Variants in SHISA7 observed in about 807,000 individuals in gnomAD.
SHISA7 encodes protein shisa-7.
In SHISA7, 6 loss-of-function variants were observed where a neutral mutation model predicts 23.9. The ratio of observed to expected loss-of-function variants is 0.25; its 90% CI spans 0.14 to 0.50. The LOEUF (loss-of-function observed/expected upper bound fraction) is 0.50. Among genes scored for constraint, SHISA7 ranks in the 20% least tolerant of loss-of-function variants. The pLI, the probability that SHISA7 is intolerant of heterozygous loss-of-function variation, is 0.98. For synonymous variants in SHISA7, 386 were observed against 398.3 expected, an observed-to-expected ratio of 0.97 and a Z score of 0.37; for missense variants, 671 against 801.1, an observed-to-expected ratio of 0.84 and a Z score of 1.96.
chr19:55,434,384 GGT>G (rs1205929289), intron 3 of SHISA7, among the ~76,000 whole-genome samples: 6 of 127,302 alleles, frequency 4.7e-5, no homozygotes, highest in East Asian at 2.5e-4. Context: ...TGTGTATGTG[GGT>G]GTGTGGTTTG....
At chr19:55,434,990 TG>T (rs1985387115) in intron 3 of SHISA7, among the ~76,000 whole-genome samples, 2 of 86,558 alleles carry the variant, frequency 2.3e-5, no homozygotes, top group Non-Finnish European at 2.3e-5. Context: ...ATGGTGTGTA[TG>T]GTGTGTGTGT....
Position 55,443,253 on chromosome 19 carries a change from A to G in SHISA7, c.-390T>C, listed in dbSNP as rs1011068219. On this transcript the variant is annotated 5_prime_UTR_variant, in exon 1 of 4. Coordinates refer to ENST00000376325, the MANE Select transcript of SHISA7 (RefSeq NM_001145176.2). ...ACCAGAGGGGTGTGCAGACATTAGG[A>G]CGAGGAGCGAGGCGAGGCGCGATGT... is the stretch of plus-strand genomic sequence containing the variant. Among the ~76,000 whole-genome samples, 1 of 149,684 alleles carries G rather than the reference A, an allele frequency of 6.7e-6. No homozygotes were observed.
At position 55,433,661 on chromosome 19, in the gene SHISA7, T is replaced by G; in HGVS notation, c.1112A>C (p.Glu371Ala). 6.7e-7 allele frequency: 1 copy of G among 1,486,362 alleles called. No homozygotes were observed. Among genetic ancestry groups the G allele is most frequent in the Non-Finnish European group, 8.9e-7 (1 of 1,125,778 alleles). 92.1% of individuals were successfully genotyped at this position (1,486,362 alleles called of 1,614,324 possible). ...GTTGGGCGCGGGCGCCAGGCCCAGC[T>G]CCTCTGGGCCGCCCCAGGCCTCCAT... ...YRMEAWGGPE[E>A]LGLAPAPNPR... Residue 371 changes from glutamate (E) to alanine (A), a missense_variant, in exon 4 of 4, where the codon GAG becomes GCG. Transcript: ENST00000376325. This position sits in a 1 kb window ranked among gnomAD's most constrained non-coding sequence, Gnocchi z 8.4.
In SHISA7 at chr19:55,435,398, T is replaced by TATATGTGGTGTGTGTGTGGGG. The variant is rs1555753673; in HGVS notation, c.977-1603_977-1602insCCCCACACACACACCACATAT. 1.9e-3 allele frequency among the ~76,000 whole-genome samples: 153 copies of TATATGTGGTGTGTGTGTGGGG among 80,022 alleles called. 1 individual carries two copies. Among genetic ancestry groups the TATATGTGGTGTGTGTGTGGGG allele is most frequent in the African/African-American group, 5.8e-3 (144 of 24,872 alleles). The allele number at this position is 80,022 out of a possible 152,430, so 52.5% of individuals were successfully genotyped here. A position where few individuals can be genotyped will look rare whatever the true frequency, so the allele number is the denominator to read the frequency against. The stretch of plus-strand genomic sequence containing the variant: ...GTGGTGTATATGTGGTGTGTGTGTG[T>TATATGTGGTGTGTGTGTGGGG]GGGTGTGTGTTGTGTGTGTGTGTGT... On this transcript the variant is annotated intron_variant, in intron 3 of 3. Coordinates refer to ENST00000376325, the MANE Select transcript of SHISA7 (RefSeq NM_001145176.2).
chr19:55,438,724 G>A (rs1181653420), intron 2 of SHISA7: 3 of 983,626 alleles, frequency 3.0e-6, no homozygotes, highest in Non-Finnish European at 4.3e-6. Flanking sequence ...CCCCAAGGTC[G>A]GCCCCACATG....
rs1257194680 is a variant in SHISA7, at chr19:55,443,266, C to G, written c.-403G>C. Among the ~76,000 whole-genome samples the G allele has an allele frequency of 6.9e-6, 1 of 144,336 alleles. No individual in the cohort carries two copies. The highest frequency in any genetic ancestry group is 1.5e-5 in the Non-Finnish European group (1 of 66,774). The allele number at this position is 144,336 out of a possible 152,430, so 94.7% of individuals were successfully genotyped here. On this transcript the variant is annotated 5_prime_UTR_variant, in exon 1 of 4. Coordinates refer to ENST00000376325, the MANE Select transcript of SHISA7 (RefSeq NM_001145176.2). ...GCAGACATTAGGACGAGGAGCGAGG[C>G]GAGGCGCGATGTAAGGAGAAGAAAC...
Position 55,433,191 on chromosome 19 carries a change from G to A in SHISA7, c.1582C>T (p.Leu528=), listed in dbSNP as rs1280184239. 1.3e-6 allele frequency: 2 copies of A among 1,529,486 alleles called. No individual in the cohort carries two copies. Among genetic ancestry groups the A allele is most frequent in the South Asian group, 1.2e-5 (1 of 83,830 alleles). The allele number at this position is 1,529,486 out of a possible 1,614,324, so 94.7% of individuals were successfully genotyped here. The change falls in exon 4 of 4, where the codon CTG becomes TTG. Residue 528 remains leucine, a synonymous_variant. Transcript: ENST00000376325. The surrounding 1 kb of genome is among the most constrained non-coding windows in gnomAD (Gnocchi z 8.4). The stretch of plus-strand genomic sequence containing the variant: ...ACCTCGTTCTTGCTGGCCGTGCGCA[G>A]GTGCTGGGGCAGGTGGTGGCCCGGG... The part of the protein sequence containing the change: ...FIPGHHLPQH[L]RTASKNEVTV
chr19:55,442,080 G>A, intron 1 of SHISA7, 113 bp downstream of exon 1: 1 of 1,112,374 alleles, frequency 9.0e-7, no homozygotes, highest in Non-Finnish European at 1.2e-6. Context: ...GCCGCCACCT[G>A]GGTCTCTGAC....
Position 55,433,340 on chromosome 19 carries a change from T to C in SHISA7, c.1433A>G (p.His478Arg), listed in dbSNP as rs1985258810. The C allele has an allele frequency of 1.1e-5, 15 of 1,414,832 alleles. No individual in the cohort carries two copies. The highest frequency in any genetic ancestry group is 1.5e-5 in the African/African-American group (1 of 66,090). The allele number at this position is 1,414,832 out of a possible 1,614,324, so 87.6% of individuals were successfully genotyped here. A position where few individuals can be genotyped will look rare whatever the true frequency, so the allele number is the denominator to read the frequency against. The change falls in exon 4 of 4, where the codon CAC becomes CGC. Residue 478 changes from histidine (H) to arginine (R), a missense_variant. Physicochemically the swap from His to Arg is conservative, Grantham distance 29 (BLOSUM62 0). Coordinates refer to ENST00000376325, the MANE Select transcript of SHISA7 (RefSeq NM_001145176.2). This position sits in a 1 kb window ranked among gnomAD's most constrained non-coding sequence, Gnocchi z 8.4. ...CGGCGAGCCGTGCAGGGCGTGGTGGTGGTGGGCGTGCAGGCTGGACGGTGG... is the reference window on the plus strand; with the variant it reads ...CGGCGAGCCGTGCAGGGCGTGGTGGCGGTGGGCGTGCAGGCTGGACGGTGG... Reference protein sequence around the residue: ...LPPPSSLHAHHHHALHGSPQP... With the variant: ...LPPPSSLHAHRHHALHGSPQP...
At chr19:55,439,030 C>G (rs1464994101) in intron 2 of SHISA7, among the ~76,000 whole-genome samples, 1 of 152,170 alleles carries the variant, frequency 6.6e-6, no homozygotes, top group Non-Finnish European at 1.5e-5. Flanking sequence ...GCCATCCAGC[C>G]CATCCATCTC....
chr19:55,441,970 G>C (rs970969010), intron 1 of SHISA7, among the ~76,000 whole-genome samples: 2 of 152,202 alleles, frequency 1.3e-5, no homozygotes, highest in African/African-American at 4.8e-5. Context: ...TCGAATGAAT[G>C]AGAGTCTGGG....
intron 2 of SHISA7, among the ~76,000 whole-genome samples, chr19:55,439,744 C>T (rs1985552006): frequency 6.6e-6 from 1 of 151,956 alleles, no homozygotes; most frequent in Non-Finnish European, 1.5e-5. Context: ...TGCTCAAATA[C>T]CTCTCCCTCG....
rs1490480329 is a variant in SHISA7 at position 55,440,628 on chromosome 19, A to C, written c.809T>G (p.Val270Gly). The change falls in exon 2 of 4, where the codon GTG becomes GGG. Residue 270 changes from valine (V) to glycine (G), a missense_variant. Physicochemically the swap from Val to Gly is moderately radical, Grantham distance 109. Around this residue, in one of 5 missense-constraint regions of SHISA7, gnomAD observed 457 missense variants for 488.3 expected, o/e 0.94. Transcript: ENST00000376325. ...PRTPKNLYNTVKTPNLDWRAL... is the reference protein window; with the variant it reads ...PRTPKNLYNTGKTPNLDWRAL... Reference sequence around the variant, plus strand: ...CCACTCACCGAGGTTGGGGGTCTTCACGGTGTTGTAGAGGTTCTTGGGCGT... The same window carrying C: ...CCACTCACCGAGGTTGGGGGTCTTCCCGGTGTTGTAGAGGTTCTTGGGCGT... 8.0e-7 allele frequency: 1 copy of C among 1,249,544 alleles called. No individual in the cohort carries two copies. The highest frequency in any genetic ancestry group is 1.0e-6 in the Non-Finnish European group (1 of 988,208). 77.4% of individuals were successfully genotyped at this position (1,249,544 alleles called of 1,614,324 possible).
Position 55,432,886 on chromosome 19 carries a change from C to T in SHISA7, c.*270G>A. The T allele has an allele frequency of 2.2e-6, 1 of 450,534 alleles. No individual in the cohort carries two copies. 27.9% of individuals were successfully genotyped at this position (450,534 alleles called of 1,614,324 possible). On this transcript the variant is annotated 3_prime_UTR_variant, in exon 4 of 4. Coordinates refer to ENST00000376325, the MANE Select transcript of SHISA7 (RefSeq NM_001145176.2). This position sits in a 1 kb window ranked among gnomAD's most constrained non-coding sequence, Gnocchi z 4.6. ...GAACGAGGCTTTGTCCCTGTGATGACATCACAGAACACAGACATTTTTGCT... is the reference window on the plus strand; with the variant it reads ...GAACGAGGCTTTGTCCCTGTGATGATATCACAGAACACAGACATTTTTGCT...
chr19:55,438,408 C>T (rs1178087679), intron 2 of SHISA7, among the ~76,000 whole-genome samples: 2 of 152,202 alleles, frequency 1.3e-5, no homozygotes, highest in Non-Finnish European at 2.9e-5. Context: ...AACAGGCTCA[C>T]TTGGTGACCT....
Position 55,433,056 on chromosome 19 carries a change from T to TCTGGGCC in SHISA7, c.*93_*99dup. ...GCTTTCACTCCTGTCCAAGGGCCGATCTGGGCCCCAGGCCCCTGGCATGTG... is the reference window on the plus strand; with the variant it reads ...GCTTTCACTCCTGTCCAAGGGCCGATCTGGGCCCTGGGCCCCAGGCCCCTGGCATGTG... On this transcript the variant is annotated 3_prime_UTR_variant, in exon 4 of 4. Coordinates refer to ENST00000376325, the MANE Select transcript of SHISA7 (RefSeq NM_001145176.2). This position sits in a 1 kb window ranked among gnomAD's most constrained non-coding sequence, Gnocchi z 8.4. 2 of 1,364,056 alleles carry TCTGGGCC rather than the reference T, an allele frequency of 1.5e-6. No homozygotes were observed. Among genetic ancestry groups the TCTGGGCC allele is most frequent in the Middle Eastern group, 2.6e-4 (1 of 3,852 alleles). 84.5% of individuals were successfully genotyped at this position (1,364,056 alleles called of 1,614,324 possible). A position where few individuals can be genotyped will look rare whatever the true frequency, so the allele number is the denominator to read the frequency against.
Position 55,433,117 on chromosome 19 carries a change from G to A in SHISA7, c.*39C>T. On this transcript the variant is annotated 3_prime_UTR_variant, in exon 4 of 4. Coordinates refer to ENST00000376325, the MANE Select transcript of SHISA7 (RefSeq NM_001145176.2). The surrounding 1 kb of genome is among the most constrained non-coding windows in gnomAD (Gnocchi z 8.4). Reference sequence around the variant, plus strand: ...TCGGGGGATCCAGGCTGGGACGGGGGGCCCGGGAGGCCGCAGCCCCCCAGA... The same window carrying A: ...TCGGGGGATCCAGGCTGGGACGGGGAGCCCGGGAGGCCGCAGCCCCCCAGA... The A allele has an allele frequency of 1.3e-6, 2 of 1,494,566 alleles. No individual in the cohort carries two copies. The highest frequency in any genetic ancestry group is 1.8e-6 in the Non-Finnish European group (2 of 1,128,434). 92.6% of individuals were successfully genotyped at this position (1,494,566 alleles called of 1,614,324 possible). A position where few individuals can be genotyped will look rare whatever the true frequency, so the allele number is the denominator to read the frequency against.
chr19:55,436,084 C>G (rs1308377661), intron 3 of SHISA7, among the ~76,000 whole-genome samples: 1 of 151,452 alleles, frequency 6.6e-6, no homozygotes, highest in East Asian at 2.0e-4. Flanking sequence ...GTCAGGAGTT[C>G]GAGACCAGCC....
chr19:55,431,980 A>G lies in SHISA7; in HGVS notation c.*1176T>C, dbSNP rs932567522. On this transcript the variant is annotated 3_prime_UTR_variant, in exon 4 of 4. Coordinates refer to ENST00000376325, the MANE Select transcript of SHISA7 (RefSeq NM_001145176.2). The stretch of plus-strand genomic sequence containing the variant: ...GGGGAGGGAGCAACCAAGCTAAGTC[A>G]TGGTGGGACAAGGCAGTAACTCTGG... 1 of 152,246 alleles carries G rather than the reference A, an allele frequency of 6.6e-6. No individual in the cohort carries two copies. The allele number at this position is 152,246 out of a possible 1,614,324, so 9.4% of individuals were successfully genotyped here. A position where few individuals can be genotyped will look rare whatever the true frequency, so the allele number is the denominator to read the frequency against.
Sources: gnomAD v4.1 joint callset for allele counts (sites outside exome capture counted in the v4.1 genomes callset) on GRCh38, gnomAD v4.1.1 for gene constraint, gnomAD v4.1.1 regional missense constraint, Gnocchi (gnomAD v3.1) non-coding constraint, MANE v1.5 for transcripts, NCBI Gene and HGNC (gene_info 2026-07-23, HGNC 2026-07-21) for gene names.